COASY: variants seen among roughly 807,000 people sequenced by gnomAD.
COASY encodes the protein Coenzyme A synthase.
COASY carries 31 observed loss-of-function variants against 49.4 expected under a neutral mutation model. That is an observed-to-expected ratio of 0.63 (90% CI 0.47 to 0.85). The LOEUF (loss-of-function observed/expected upper bound fraction) is 0.85, where lower values mean the gene tolerates loss of function less well. COASY is among the 40% of genes least tolerant of loss of function. The probability of loss-of-function intolerance (pLI) is 0.00; values close to 1 mark genes in which losing one functional copy is unlikely to be tolerated. For synonymous variants in COASY, 285 were observed against 310.9 expected (o/e 0.92, Z 0.88); for missense variants, 730 against 734.1 (o/e 0.99, Z 0.06).
At chr17:42,565,589 C>A (rs1321290721) in intron 7 of COASY, 21 bp downstream of exon 7, 3 of 1,614,054 alleles carry the variant, frequency 1.9e-6, no homozygotes, top group Admixed American at 1.7e-5. Context: ...CCACCCCCCA[C>A]ACCATCCCTA....
At position 42,565,282 on chromosome 17, in the gene COASY, G is replaced by C. The variant is rs1392116890; in HGVS notation, c.1358G>C (p.Arg453Pro). The change falls in exon 6 of 9, where the codon CGA becomes CCA. Residue 453 changes from arginine (R) to proline (P), a missense_variant. By Grantham distance (103) the Arg-to-Pro change is moderately radical. Coordinates refer to ENST00000393818, the MANE Select transcript of COASY (RefSeq NM_025233.7). ...TGGCCAATTATCGCAAAGCTGGCCC[G>C]AGAGGAGATGGATCGGGCTGTGGCT... ...IMWPIIAKLA[R>P]EEMDRAVAEG... The C allele has an allele frequency of 6.2e-7, 1 of 1,614,166 alleles. No individual in the cohort carries two copies. The highest frequency in any genetic ancestry group is 8.5e-7 in the Non-Finnish European group (1 of 1,180,032).
At position 42,564,820 on chromosome 17, in the gene COASY, G is replaced by T. The variant is rs763727451; in HGVS notation, c.1159G>T (p.Asp387Tyr). ...GAAGGGCCTGGGGGCGTTTGTCATT[G>T]ACAGTGACCACCTGGGTCATCGGGC... ...RLKGLGAFVI[D>Y]SDHLGHRAYA... The change falls in exon 4 of 9, where the codon GAC becomes TAC. Residue 387 changes from aspartate to tyrosine, a missense_variant. Asp to Tyr is a radical substitution (Grantham distance 160, BLOSUM62 -3). Coordinates refer to ENST00000393818, the MANE Select transcript of COASY (RefSeq NM_025233.7). The T allele has an allele frequency of 6.4e-6, 10 of 1,563,614 alleles. No individual in the cohort carries two copies. The highest frequency in any genetic ancestry group is 1.4e-5 in the African/African-American group (1 of 72,738).
At position 42,565,930 on chromosome 17, in the gene COASY, C is replaced by T. The variant is rs1213073327; in HGVS notation, c.1657C>T (p.Gln553Ter). ...RQVEKAWALLQKRIPKTHQAL... is the reference protein window; with the variant it reads ...RQVEKAWALL Reference sequence around the variant, plus strand: ...GGTGGAGAAAGCCTGGGCCCTCTTGCAGAAGCGCATTCCCAAGACTCATCA... The same window carrying T: ...GGTGGAGAAAGCCTGGGCCCTCTTGTAGAAGCGCATTCCCAAGACTCATCA... Residue 553 changes from glutamine to a stop codon, truncating the protein, a stop_gained, in exon 9 of 9, where the codon CAG (glutamine) becomes TAG (stop). Transcript: ENST00000393818. LOFTEE classifies it high-confidence loss of function. The T allele has an allele frequency of 1.9e-6, 3 of 1,613,806 alleles. No individual in the cohort carries two copies. Among genetic ancestry groups the T allele is most frequent in the African/African-American group, 1.3e-5 (1 of 74,920 alleles).
rs754225451 is a variant in COASY at position 42,563,005 on chromosome 17, C to T, written c.383C>T (p.Pro128Leu). 4.3e-6 allele frequency: 7 copies of T among 1,614,044 alleles called. No homozygotes were observed. The East Asian group carries it at 1.3e-4, about 31-fold the overall frequency. Residue 128 changes from proline to leucine, a missense_variant, in exon 1 of 9, where the codon CCG becomes CTG. Physicochemically the swap from Pro to Leu is moderately conservative, Grantham distance 98 (BLOSUM62 -3). Coordinates refer to ENST00000393818, the MANE Select transcript of COASY (RefSeq NM_025233.7). ...FQTLDGSQYN[P>L]VKQQLVRYAT... is the part of the protein sequence containing the mutation. The stretch of plus-strand genomic sequence containing the variant: ...ACCCTGGATGGAAGCCAGTACAACC[C>T]GGTCAAACAGCAGCTAGTGCGTTAC...
chr17:42,563,054 T>C lies in COASY; in HGVS notation c.432T>C (p.Cys144=). 2 of 1,614,124 alleles carry C rather than the reference T, an allele frequency of 1.2e-6. No individual in the cohort carries two copies. The highest frequency in any genetic ancestry group is 1.7e-6 in the Non-Finnish European group (2 of 1,180,018). Residue 144 remains cysteine (C), a synonymous_variant, in exon 1 of 9, where the codon TGT becomes TGC. Coordinates refer to ENST00000393818, the MANE Select transcript of COASY (RefSeq NM_025233.7). ...VRYATSCYSC[C]PRLASVLLYS... is the part of the protein sequence containing the mutation. ...ACGCCACCAGCTGTTACAGCTGTTG[T>C]CCGCGACTGGCCTCGGTGCTGCTAT... is the stretch of plus-strand genomic sequence containing the variant.
rs751668196 is a variant in COASY at position 42,564,997 on chromosome 17, G to A, written c.1252G>A (p.Asp418Asn). ...EAFGTDILHK[D>N]GIINRKVLGS... ...GTGTTGTCCAGATATTCTCCATAAAGATGGCATCATCAACAGGAAGGTCCT... is the reference window on the plus strand; with the variant it reads ...GTGTTGTCCAGATATTCTCCATAAAAATGGCATCATCAACAGGAAGGTCCT... Residue 418 changes from aspartate (D) to asparagine (N), a missense_variant, in exon 5 of 9, where the codon GAT becomes AAT. Coordinates refer to ENST00000393818, the MANE Select transcript of COASY (RefSeq NM_025233.7). The A allele has an allele frequency of 1.8e-5, 29 of 1,614,090 alleles. No homozygotes were observed. The highest frequency in any genetic ancestry group is 8.5e-7 in the Non-Finnish European group (1 of 1,180,044).
Position 42,565,256 on chromosome 17 carries a change from G to T in COASY, c.1332G>T (p.Met444Ile). The T allele has an allele frequency of 6.2e-7, 1 of 1,614,136 alleles. No homozygotes were observed. The highest frequency in any genetic ancestry group is 8.5e-7 in the Non-Finnish European group (1 of 1,180,024). The change falls in exon 6 of 9, where the codon ATG becomes ATT. Residue 444 changes from methionine (M) to isoleucine (I), a missense_variant. Coordinates refer to ENST00000393818, the MANE Select transcript of COASY (RefSeq NM_025233.7). ...AGCTGAAGATACTCACGGACATTATGTGGCCAATTATCGCAAAGCTGGCCC... is the reference window on the plus strand; with the variant it reads ...AGCTGAAGATACTCACGGACATTATTTGGCCAATTATCGCAAAGCTGGCCC... ...KKQLKILTDI[M>I]WPIIAKLARE...
At position 42,562,472 on chromosome 17, in the gene COASY, C is replaced by T. The variant is rs771627280; in HGVS notation, c.-151C>T. On this transcript the variant is annotated 5_prime_UTR_variant, in exon 1 of 9. Coordinates refer to ENST00000393818, the MANE Select transcript of COASY (RefSeq NM_025233.7). Reference sequence around the variant, plus strand: ...CGCCGTCTACCAGGCCCCGTCCCCTCCCCCGGCTCCTGTCGGTCAGCACTG... The same window carrying T: ...CGCCGTCTACCAGGCCCCGTCCCCTTCCCCGGCTCCTGTCGGTCAGCACTG... 3 of 1,613,654 alleles carry T rather than the reference C, an allele frequency of 1.9e-6. No individual in the cohort carries two copies. The highest frequency in any genetic ancestry group is 1.1e-5 in the South Asian group (1 of 91,082).
Position 42,564,805 on chromosome 17 carries a change from G to C in COASY, c.1144G>C (p.Gly382Arg). The C allele has an allele frequency of 6.4e-7, 1 of 1,555,724 alleles. No homozygotes were observed. The highest frequency in any genetic ancestry group is 1.2e-5 in the South Asian group (1 of 80,640). The change falls in exon 4 of 9, where the codon GGG becomes CGG. Residue 382 changes from glycine (G) to arginine (R), a missense_variant. By Grantham distance (125) the Gly-to-Arg change is moderately radical. Transcript: ENST00000393818. ...AATAGCTCAGCGACTGAAGGGCCTG[G>C]GGGCGTTTGTCATTGACAGTGACCA... Reference protein sequence around the residue: ...SSIAQRLKGLGAFVIDSDHLG... With the variant: ...SSIAQRLKGLRAFVIDSDHLG...
Position 42,565,527 on chromosome 17 carries a change from C to G in COASY, c.1444C>G (p.Leu482Val), listed in dbSNP as rs1347096603. Residue 482 changes from leucine to valine, a missense_variant, in exon 7 of 9, where the codon CTG becomes GTG. Coordinates refer to ENST00000393818, the MANE Select transcript of COASY (RefSeq NM_025233.7). Reference protein sequence around the residue: ...AVLLEAGWQNLVHEVWTAVIP... With the variant: ...AVLLEAGWQNVVHEVWTAVIP... The stretch of plus-strand genomic sequence containing the variant: ...GTTGCTTGAAGCCGGCTGGCAGAAC[C>G]TGGTCCATGAGGTGTGGACTGCTGT... The G allele has an allele frequency of 1.2e-6, 2 of 1,614,236 alleles. No individual in the cohort carries two copies. The highest frequency in any genetic ancestry group is 1.7e-6 in the Non-Finnish European group (2 of 1,180,044).
Position 42,563,081 on chromosome 17 carries a change from C to A in COASY, c.459C>A (p.Tyr153Ter). 1 of 1,614,098 alleles carries A rather than the reference C, an allele frequency of 6.2e-7. No homozygotes were observed. The highest frequency in any genetic ancestry group is 8.5e-7 in the Non-Finnish European group (1 of 1,179,972). Reference protein sequence around the residue: ...CCPRLASVLLYSDYGIGEVPV... With the variant: ...CCPRLASVLL ...CGCGACTGGCCTCGGTGCTGCTATA[C>A]TCCGATTATGGGATAGGAGAAGTGC... Residue 153 changes from tyrosine to a stop codon, truncating the protein, a stop_gained, in exon 1 of 9, where the codon TAC (tyrosine) becomes TAA (stop). Coordinates refer to ENST00000393818, the MANE Select transcript of COASY (RefSeq NM_025233.7). LOFTEE classifies it high-confidence loss of function.
chr17:42,563,848 C>T, intron 1 of COASY, 113 bp from the exon 2 acceptor site: 1 of 804,312 alleles, frequency 1.2e-6, no homozygotes, highest in Non-Finnish European at 2.0e-6. Context: ...CAGTTGAACC[C>T]TTTCTGCCAC....
intron 1 of COASY, chr17:42,563,739 G>A (rs2092988738): frequency 1.8e-6 from 1 of 552,154 alleles, no homozygotes; most frequent in African/African-American, 1.9e-5. Flanking sequence ...TGGTTTCCTG[G>A]TGGCTTATTC....
In COASY at chr17:42,562,518, G is replaced by A; in HGVS notation, c.-105G>A. 6.2e-7 allele frequency: 1 copy of A among 1,612,656 alleles called. No individual in the cohort carries two copies. The highest frequency in any genetic ancestry group is 2.2e-5 in the East Asian group (1 of 44,882). On this transcript the variant is annotated 5_prime_UTR_variant, in exon 1 of 9. Transcript: ENST00000393818. ...CACTGAAACCCCGTCCCTGCTCCAG[G>A]CCTCCTTCTCTGGGGTCCAAGGTCC... is the stretch of plus-strand genomic sequence containing the variant.
chr17:42,563,912 C>T, intron 1 of COASY, 49 bp from the exon 2 acceptor site: 1 of 1,491,920 alleles, frequency 6.7e-7, no homozygotes, highest in Non-Finnish European at 9.2e-7. Context: ...GGCCCATACT[C>T]TCCTCCCCAA....
chr17:42,564,791 G>T lies in COASY; in HGVS notation c.1130G>T (p.Arg377Leu), dbSNP rs776992474. Residue 377 changes from arginine to leucine, a missense_variant, in exon 4 of 9, where the codon CGA (arginine) becomes CTA (leucine). Transcript: ENST00000393818. Reference protein sequence around the residue: ...SGSGKSSIAQRLKGLGAFVID... With the variant: ...SGSGKSSIAQLLKGLGAFVID... ...TCTGGGAAGAGCTCAATAGCTCAGC[G>T]ACTGAAGGGCCTGGGGGCGTTTGTC... 8.4e-6 allele frequency: 13 copies of T among 1,546,476 alleles called. No individual in the cohort carries two copies. Among genetic ancestry groups the T allele is most frequent in the Non-Finnish European group, 1.0e-5 (12 of 1,151,304 alleles).
rs778368610 is a variant in COASY at position 42,564,468 on chromosome 17, A to G, written c.938A>G (p.Tyr313Cys). The change falls in exon 3 of 9, where the codon TAC becomes TGC. Residue 313 changes from tyrosine (Y) to cysteine (C), a missense_variant. Coordinates refer to ENST00000393818, the MANE Select transcript of COASY (RefSeq NM_025233.7). ...CAGGACCTGGAGGAACTTGCTTTGT[A>G]CCAGATCCAGCTGCTGAAGGACCTC... is the stretch of plus-strand genomic sequence containing the variant. ...LENDLEELAL[Y>C]QIQLLKDLRH... 6.2e-7 allele frequency: 1 copy of G among 1,613,372 alleles called. No homozygotes were observed. Among genetic ancestry groups the G allele is most frequent in the African/African-American group, 1.3e-5 (1 of 74,814 alleles).
At position 42,566,219 on chromosome 17, in the gene COASY, G is replaced by A; in HGVS notation, c.*251G>A. The A allele has an allele frequency of 1.8e-6, 1 of 559,116 alleles. No homozygotes were observed. The allele number at this position is 559,116 out of a possible 1,614,324, so 34.6% of individuals were successfully genotyped here. A position where few individuals can be genotyped will look rare whatever the true frequency, so the allele number is the denominator to read the frequency against. On this transcript the variant is annotated 3_prime_UTR_variant, in exon 9 of 9. Coordinates refer to ENST00000393818, the MANE Select transcript of COASY (RefSeq NM_025233.7). ...CCATGGGTGACTCTTACCCACAGCT[G>A]ACTAGGGCCAGCGCAAATACTGGAA...
In COASY at chr17:42,562,417, G is replaced by A. The variant is rs774748328; in HGVS notation, c.-206G>A. On this transcript the variant is annotated 5_prime_UTR_variant, in exon 1 of 9. Coordinates refer to ENST00000393818, the MANE Select transcript of COASY (RefSeq NM_025233.7). ...GTCACCGCCCCGTCTGAGAAATGAG[G>A]ACACCAAGGCTTAGAGCACAGCCCC... is the stretch of plus-strand genomic sequence containing the variant. The A allele has an allele frequency of 3.1e-6, 5 of 1,613,716 alleles. No individual in the cohort carries two copies. The highest frequency in any genetic ancestry group is 4.2e-6 in the Non-Finnish European group (5 of 1,179,830).
Sources: allele counts gnomAD v4.1 joint callset, GRCh38; gene constraint gnomAD v4.1.1; transcripts MANE v1.5; gene names NCBI Gene and HGNC (gene_info 2026-07-23, HGNC 2026-07-21).